The following RPGRIP1L variants were observed in gnomAD, a reference collection of about 807,000 sequenced individuals.
RPGRIP1L encodes protein fantom.
In RPGRIP1L, 131 loss-of-function variants were observed where a neutral mutation model predicts 160.4. The observed-to-expected ratio is 0.82, with a 90% CI of 0.71 to 0.94. The LOEUF (loss-of-function observed/expected upper bound fraction) is 0.94. RPGRIP1L is among the 40% of genes least tolerant of loss of function. RPGRIP1L has a pLI of 0.00. For synonymous variants in RPGRIP1L, 510 were observed against 515.8 expected, an observed-to-expected ratio of 0.99 and a Z score of 0.15; for missense variants, 1,522 against 1,535.8, an observed-to-expected ratio of 0.99 and a Z score of 0.15.
intron 24 of RPGRIP1L, among the ~76,000 whole-genome samples, chr16:53,611,463 A>G (rs1027837410): frequency 3.3e-5 from 5 of 152,242 alleles, no homozygotes; most frequent in African/African-American, 9.6e-5. Context: ...TGACAGCCTC[A>G]GTAATTTAAT....
At chr16:53,635,412 G>A (rs1034733591) in intron 22 of RPGRIP1L, 1 of 152,100 alleles carries the variant, frequency 6.6e-6, no homozygotes, top group African/African-American at 2.4e-5. Flanking sequence ...CTATTTCATG[G>A]AGGAATCTGT....
In RPGRIP1L at chr16:53,686,391, TA is replaced by T. The variant is rs775873511; in HGVS notation, c.776+41del. The T allele has an allele frequency of 1.3e-5, 21 of 1,594,604 alleles. No individual in the cohort carries two copies. The East Asian group carries it at 4.2e-4, about 32-fold the overall frequency. On this transcript the variant is annotated intron_variant, in intron 6 of 26. Transcript: ENST00000647211. The stretch of plus-strand genomic sequence containing the variant: ...TGGCACATGATAAAGTATTTTAAAC[TA>T]ATTTTGACCTTATCAAAGTGATATT...
At chr16:53,673,601 A>T (rs890714681) in intron 7 of RPGRIP1L, among the ~76,000 whole-genome samples, 19 of 152,118 alleles carry the variant, frequency 1.2e-4, no homozygotes, top group South Asian at 6.2e-4. Flanking sequence ...GTTTTTTTTT[A>T]AAATAAAAAA....
intron 26 of RPGRIP1L, among the ~76,000 whole-genome samples, chr16:53,603,577 T>G (rs1963495099): frequency 6.6e-6 from 1 of 152,172 alleles, no homozygotes; most frequent in Non-Finnish European, 1.5e-5. Flanking sequence ...GCAGTCCACC[T>G]GCCTTGGTCT....
At chr16:53,622,428 A>G in intron 22 of RPGRIP1L, 72 bp from the exon 23 acceptor site, 1 of 547,422 alleles carries the variant, frequency 1.8e-6, no homozygotes, top group Non-Finnish European at 3.3e-6. Flanking sequence ...ACTTCATCTC[A>G]GCATGTCAGA....
chr16:53,647,982 G>A (rs1396267971), intron 16 of RPGRIP1L, among the ~76,000 whole-genome samples: 3 of 151,558 alleles, frequency 2.0e-5, no homozygotes, highest in Non-Finnish European at 2.9e-5. Flanking sequence ...GCAGGTGCCT[G>A]TAGCCTCAGC....
chr16:53,669,368 T>C (rs904289352), intron 9 of RPGRIP1L, among the ~76,000 whole-genome samples: 10 of 152,070 alleles, frequency 6.6e-5, no homozygotes, highest in Non-Finnish European at 1.2e-4. Flanking sequence ...TTTACTTCCA[T>C]ATATCTCACA....
At chr16:53,675,391 A>G (rs929291836) in intron 6 of RPGRIP1L, among the ~76,000 whole-genome samples, 1 of 152,142 alleles carries the variant, frequency 6.6e-6, no homozygotes, top group Non-Finnish European at 1.5e-5. Context: ...CACCTCTACA[A>G]TTGATAATAT....
intron 22 of RPGRIP1L, 49 bp from the exon 23 acceptor site, chr16:53,622,405 T>G (rs932448562): frequency 1.7e-6 from 1 of 579,150 alleles, no homozygotes; most frequent in Non-Finnish European, 3.1e-6. Context: ...GCACATTAAA[T>G]GCATAATAGA....
rs767943403 is a variant in RPGRIP1L, at chr16:53,657,488, G to C, written c.1546C>G (p.Leu516Val). The C allele has an allele frequency of 1.9e-6, 3 of 1,612,470 alleles. No individual in the cohort carries two copies. In the African/African-American group the frequency reaches 4.0e-5, roughly 22 times the overall value. The part of the protein sequence containing the change: ...VQELEKTRNM[L>V]IMQHKINKDY... ...TTATTAATTTTGTGTTGCATAATTAGCATGTTTCTTGTCTTTTCCAGCTCT... is the reference window on the plus strand; with the variant it reads ...TTATTAATTTTGTGTTGCATAATTACCATGTTTCTTGTCTTTTCCAGCTCT... The change falls in exon 13 of 27, where the codon CTA becomes GTA. Residue 516 changes from leucine (L) to valine (V), a missense_variant. Physicochemically the swap from Leu to Val is conservative, Grantham distance 32. Coordinates refer to ENST00000647211, the MANE Select transcript of RPGRIP1L (RefSeq NM_015272.5).
chr16:53,638,069 T>A (rs1388309400), intron 20 of RPGRIP1L, among the ~76,000 whole-genome samples: 2 of 152,132 alleles, frequency 1.3e-5, no homozygotes, highest in Non-Finnish European at 2.9e-5. Flanking sequence ...GAATAAAAAA[T>A]GTATTAATCT....
rs750727015 is a variant in RPGRIP1L, at chr16:53,668,156, A to T, written c.1104-3147T>A. 3.9e-5 allele frequency among the ~76,000 whole-genome samples: 6 copies of T among 152,146 alleles called. No homozygotes were observed. The South Asian group carries it at 1.2e-3, about 31-fold the overall frequency. ...TCAGGATATTTCACTTACTGAAAGAAGATGATGCCCCAAATGTACTTGGAG... is the reference window on the plus strand; with the variant it reads ...TCAGGATATTTCACTTACTGAAAGATGATGATGCCCCAAATGTACTTGGAG... On this transcript the variant is annotated intron_variant, in intron 9 of 26. Transcript: ENST00000647211.
At chr16:53,654,371 TA>T in intron 14 of RPGRIP1L, among the ~76,000 whole-genome samples, 1 of 152,226 alleles carries the variant, frequency 6.6e-6, no homozygotes, top group Non-Finnish European at 1.5e-5. Context: ...TTCTCAAATG[TA>T]CTGCAATACG....
At chr16:53,664,814 A>G in intron 10 of RPGRIP1L, 56 bp downstream of exon 10, 1 of 1,584,464 alleles carries the variant, frequency 6.3e-7, no homozygotes, top group Non-Finnish European at 8.6e-7. Context: ...TGACTGATTC[A>G]ATGAAGAAAC....
At chr16:53,626,730 G>T (rs1436510636) in intron 22 of RPGRIP1L, among the ~76,000 whole-genome samples, 1 of 151,486 alleles carries the variant, frequency 6.6e-6, no homozygotes, top group East Asian at 1.9e-4. Flanking sequence ...GCTTGAACAT[G>T]GGAGGCAGAG....
chr16:53,692,052 A>C lies in RPGRIP1L; in HGVS notation c.529+14T>G. Reference sequence around the variant, plus strand: ...TAAGACTTCAGTTTAGATTTAACGTAAGCTTTGTTTTACCTTTCCTGGGGC... The same window carrying C: ...TAAGACTTCAGTTTAGATTTAACGTCAGCTTTGTTTTACCTTTCCTGGGGC... On this transcript the variant is annotated intron_variant, in intron 4 of 26. Coordinates refer to ENST00000647211, the MANE Select transcript of RPGRIP1L (RefSeq NM_015272.5). 3 of 1,613,102 alleles carry C rather than the reference A, an allele frequency of 1.9e-6. No homozygotes were observed. The highest frequency in any genetic ancestry group is 2.5e-6 in the Non-Finnish European group (3 of 1,179,114).
chr16:53,698,471 C>T lies in RPGRIP1L; in HGVS notation c.85+2168G>A, dbSNP rs564173833. ...GTGAGGGGCCTCTCTGCCCGGCCAG[C>T]CGCCCCGTCCAGGAGGGAGGTTGGG... is the stretch of plus-strand genomic sequence containing the variant. On this transcript the variant is annotated intron_variant, in intron 2 of 26. Transcript: ENST00000647211. Among the ~76,000 whole-genome samples the T allele has an allele frequency of 1.5e-3, 225 of 147,656 alleles. 2 individuals are homozygous for T. The highest frequency in any genetic ancestry group is 5.5e-3 in the African/African-American group (216 of 39,234).
Position 53,658,812 on chromosome 16 carries a change from T to A in RPGRIP1L, c.1310A>T (p.Gln437Leu). 1.2e-6 allele frequency: 2 copies of A among 1,609,034 alleles called. No homozygotes were observed. Among genetic ancestry groups the A allele is most frequent in the Non-Finnish European group, 1.7e-6 (2 of 1,176,876 alleles). ...TATGCGTTTTTTAAGTTCATCAAGT[T>A]GTTGCTTTTGTTCCAGATACTGTAA... ...LQLQYLEQKQQLDELKKRIKL... is the reference protein window; with the variant it reads ...LQLQYLEQKQLLDELKKRIKL... The change falls in exon 11 of 27, where the codon CAA (glutamine) becomes CTA (leucine). Residue 437 changes from glutamine (Q) to leucine (L), a missense_variant. By Grantham distance (113) the Gln-to-Leu change is moderately radical (BLOSUM62 -2). Transcript: ENST00000647211.
chr16:53,612,489 ATTT>A (rs56935715), intron 24 of RPGRIP1L, among the ~76,000 whole-genome samples: 7 of 131,560 alleles, frequency 5.3e-5, no homozygotes, highest in Admixed American at 7.7e-5. Flanking sequence ...TCCAAATGGG[ATTT>A]TTTTTTTTTT....
Sources: allele counts gnomAD v4.1 joint callset (sites outside exome capture counted in the v4.1 genomes callset), GRCh38; gene constraint gnomAD v4.1.1; transcripts MANE v1.5; gene names NCBI Gene and HGNC (gene_info 2026-07-23, HGNC 2026-07-21).